ROBO2: variants seen among roughly 807,000 people sequenced by gnomAD.
ROBO2 encodes the protein roundabout guidance receptor 2, also known as roundabout homolog 2.
ROBO2 carries 53 observed loss-of-function variants against 160.8 expected under a neutral mutation model. That is an observed-to-expected ratio of 0.33 (90% CI 0.26 to 0.41). The LOEUF (loss-of-function observed/expected upper bound fraction) is 0.41. Ranked by LOEUF, ROBO2 falls within the 10% of genes least tolerant of loss-of-function variation. The probability of loss-of-function intolerance (pLI) is 1.00; values close to 1 mark genes in which losing one functional copy is unlikely to be tolerated. For missense variants in ROBO2, 1,577 were observed against 1,722.4 expected, an observed-to-expected ratio of 0.92 and a Z score of 1.49; for synonymous variants, 664 against 611.7, an observed-to-expected ratio of 1.09 and a Z score of -1.26.
intron 2 of ROBO2, among the ~76,000 whole-genome samples, chr3:77,013,379 T>C (rs2062032339): frequency 6.6e-6 from 1 of 152,084 alleles, no homozygotes; most frequent in Non-Finnish European, 1.5e-5. Context: ...TGGAGTGAAA[T>C]ACAAAGAAGA....
intron 20 of ROBO2, among the ~76,000 whole-genome samples, chr3:77,605,228 A>G (rs1163550962): frequency 6.6e-6 from 1 of 150,780 alleles, no homozygotes; most frequent in African/African-American, 2.4e-5. Context: ...ACACAAATTA[A>G]AGAGTTTATA....
chr3:76,551,923 C>T (rs1030090162), intron 2 of ROBO2, among the ~76,000 whole-genome samples: 5 of 152,076 alleles, frequency 3.3e-5, no homozygotes, highest in Admixed American at 1.3e-4. Context: ...TCATCCTTGG[C>T]AAGTGCTGGA....
intron 4 of ROBO2, among the ~76,000 whole-genome samples, chr3:77,489,814 T>C (rs568993910): frequency 6.6e-6 from 1 of 152,336 alleles, no homozygotes; most frequent in East Asian, 1.9e-4. Flanking sequence ...AATATTGCAA[T>C]GACTTAACAG....
chr3:76,780,013 C>A (rs1448550797), intron 2 of ROBO2, among the ~76,000 whole-genome samples: 5 of 150,900 alleles, frequency 3.3e-5, no homozygotes, highest in Non-Finnish European at 7.4e-5. Context: ...TTGTTCCCAC[C>A]AACAGTGTAC....
intron 23 of ROBO2, among the ~76,000 whole-genome samples, chr3:77,623,240 C>T (rs2094937021): frequency 6.6e-6 from 1 of 152,196 alleles, no homozygotes; most frequent in African/African-American, 2.4e-5. Flanking sequence ...ATGCCTCTTA[C>T]ATGACTGTGT....
chr3:76,886,523 G>A (rs1227109038), intron 2 of ROBO2, among the ~76,000 whole-genome samples: 2 of 152,104 alleles, frequency 1.3e-5, no homozygotes, highest in African/African-American at 2.4e-5. Context: ...AGGGAATGTA[G>A]GTTTTCCTTC....
intron 2 of ROBO2, among the ~76,000 whole-genome samples, chr3:76,676,611 C>A (rs2092415251): frequency 6.6e-6 from 1 of 152,072 alleles, no homozygotes. Flanking sequence ...CTGAAGCAAC[C>A]TCACAATCTT....
intron 2 of ROBO2, among the ~76,000 whole-genome samples, chr3:76,034,711 C>G (rs1245055170): frequency 2.0e-5 from 3 of 152,094 alleles, no homozygotes; most frequent in South Asian, 2.1e-4. Context: ...GTGCCATTAT[C>G]TTGCTTTAAG....
intron 2 of ROBO2, among the ~76,000 whole-genome samples, chr3:77,220,096 C>T (rs372864046): frequency 2.2e-4 from 34 of 152,060 alleles, no homozygotes; most frequent in South Asian, 8.3e-4. Flanking sequence ...CTGCAACCTC[C>T]GCCTCTTGGG....
At chr3:76,138,201 TA>T (rs758606704) in intron 2 of ROBO2, among the ~76,000 whole-genome samples, 6 of 152,088 alleles carry the variant, frequency 3.9e-5, no homozygotes, top group Non-Finnish European at 7.4e-5. Flanking sequence ...TGTGGTTTTT[TA>T]AACTACCTAT....
At chr3:76,905,404 T>A (rs912511355) in intron 2 of ROBO2, among the ~76,000 whole-genome samples, 2 of 152,190 alleles carry the variant, frequency 1.3e-5, no homozygotes, top group African/African-American at 2.4e-5. Context: ...AGAAGGCTTA[T>A]GATCTGACAC....
intron 2 of ROBO2, among the ~76,000 whole-genome samples, chr3:76,065,886 A>T (rs1311520464): frequency 4.1e-4 from 63 of 151,914 alleles, no homozygotes; most frequent in African/African-American, 1.5e-3. Context: ...CTATATTGAA[A>T]AATTGTTCAT....
intron 2 of ROBO2, among the ~76,000 whole-genome samples, chr3:76,254,700 C>T (rs575697623): frequency 7.3e-5 from 11 of 151,128 alleles, no homozygotes; most frequent in Non-Finnish European, 1.5e-4. Flanking sequence ...CATGAACCCA[C>T]GTATTAAAAT....
chr3:76,222,667 C>A (rs1233917642), intron 2 of ROBO2, among the ~76,000 whole-genome samples: 1 of 152,096 alleles, frequency 6.6e-6, no homozygotes, highest in African/African-American at 2.4e-5. Context: ...GGAGAGCCCT[C>A]TCCTACCCGG....
intron 2 of ROBO2, among the ~76,000 whole-genome samples, chr3:76,378,189 A>C (rs918665344): frequency 6.6e-6 from 1 of 152,200 alleles, no homozygotes; most frequent in East Asian, 1.9e-4. Context: ...ATAAACCTCT[A>C]TACTCATTAC....
chr3:77,119,203 A>G (rs1190547065), intron 2 of ROBO2, among the ~76,000 whole-genome samples: 1 of 152,214 alleles, frequency 6.6e-6, no homozygotes, highest in Non-Finnish European at 1.5e-5. Flanking sequence ...AGCCATGCAG[A>G]ACAGTGAGTC....
chr3:76,268,647 C>G (rs1442649510), intron 2 of ROBO2, among the ~76,000 whole-genome samples: 2 of 152,060 alleles, frequency 1.3e-5, no homozygotes, highest in Non-Finnish European at 2.9e-5. Context: ...CCTTAATTAC[C>G]TTCAAATAAA....
intron 2 of ROBO2, among the ~76,000 whole-genome samples, chr3:77,426,802 G>C (rs1199173650): frequency 3.3e-5 from 5 of 151,940 alleles, no homozygotes; most frequent in Non-Finnish European, 5.9e-5. Context: ...TTACTAATTT[G>C]CTTTCATTTA....
At chr3:76,220,747 A>C (rs1038374992) in intron 2 of ROBO2, among the ~76,000 whole-genome samples, 1 of 151,436 alleles carries the variant, frequency 6.6e-6, no homozygotes, top group African/African-American at 2.4e-5. Context: ...TATTTGATGA[A>C]AACACACACA....
Sources: allele counts gnomAD v4.1 joint callset (sites outside exome capture counted in the v4.1 genomes callset), GRCh38; gene constraint gnomAD v4.1.1; transcripts MANE v1.5; gene names NCBI Gene and HGNC (gene_info 2026-07-23, HGNC 2026-07-21).